The following AGTPBP1 variants were observed in gnomAD, a reference collection of about 807,000 sequenced individuals.
The protein encoded by AGTPBP1 is ATP/GTP binding carboxypeptidase 1, also known as cytosolic carboxypeptidase 1.
A neutral mutation model predicts 143.9 loss-of-function variants in AGTPBP1; 70 were observed. That is an observed-to-expected ratio of 0.49 (90% CI 0.40 to 0.59). The LOEUF (loss-of-function observed/expected upper bound fraction) is 0.59, where lower values mean the gene tolerates loss of function less well. AGTPBP1 is among the 20% of genes least tolerant of loss of function. AGTPBP1 has a pLI of 0.00. For missense variants in AGTPBP1, 1,229 were observed against 1,464.5 expected (o/e 0.84, Z 2.62); for synonymous variants, 463 against 500.2 (o/e 0.93, Z 0.99).
At chr9:85,700,974 G>A (rs1346856442) in intron 2 of AGTPBP1, among the ~76,000 whole-genome samples, 1 of 151,968 alleles carries the variant, frequency 6.6e-6, no homozygotes, top group Non-Finnish European at 1.5e-5. Flanking sequence ...CTGGAGTGCA[G>A]TGGCGCAATC....
At chr9:85,654,164 A>G (rs1833344462) in intron 11 of AGTPBP1, among the ~76,000 whole-genome samples, 2 of 152,044 alleles carry the variant, frequency 1.3e-5, no homozygotes, top group South Asian at 4.1e-4. Context: ...TAAATAAAGA[A>G]TCTTCGTTTT....
chr9:85,573,483 G>C (rs1827663956), intron 25 of AGTPBP1, among the ~76,000 whole-genome samples: 1 of 152,242 alleles, frequency 6.6e-6, no homozygotes, highest in Admixed American at 6.5e-5. Context: ...GCCTGCCTTG[G>C]TCTCCCAAAG....
chr9:85,675,788 G>C (rs1253422837), intron 6 of AGTPBP1, among the ~76,000 whole-genome samples: 1 of 152,180 alleles, frequency 6.6e-6, no homozygotes, highest in East Asian at 1.9e-4. Flanking sequence ...CACTTTGGGA[G>C]GCCAAGGTGG....
chr9:85,788,561 A>C, the AGTPBP1 span, among the ~76,000 whole-genome samples: 3 of 150,046 alleles, frequency 2.0e-5, no homozygotes, highest in Admixed American at 2.0e-4. Context: ...CTTTGTTAAT[A>C]AATACATATT....
At chr9:85,664,723 A>G (rs2134008710) in intron 8 of AGTPBP1, among the ~76,000 whole-genome samples, 1 of 152,294 alleles carries the variant, frequency 6.6e-6, no homozygotes, top group African/African-American at 2.4e-5. Flanking sequence ...TGATTAAGAA[A>G]GCTGAGACAA....
rs562094960 is a variant in AGTPBP1 at position 85,555,090 on chromosome 9, G to A, written c.3504-7804C>T. ...TAAATTAAACCTGCTGAGGAAAAAC[G>A]AATGTGGCAGATGCAACATTTGAAG... On this transcript the variant is annotated intron_variant, in intron 25 of 25. Coordinates refer to ENST00000357081, the MANE Select transcript of AGTPBP1 (RefSeq NM_001330701.2). Among the ~76,000 whole-genome samples, 12 of 152,242 alleles carry A rather than the reference G, an allele frequency of 7.9e-5. No individual in the cohort carries two copies. In the South Asian group the frequency reaches 8.3e-4, roughly 11 times the overall value.
At chr9:85,583,124 G>C (rs567526560) in intron 23 of AGTPBP1, among the ~76,000 whole-genome samples, 6 of 152,150 alleles carry the variant, frequency 3.9e-5, no homozygotes, top group Admixed American at 6.5e-5. Flanking sequence ...GACATGCTAG[G>C]GGTGTGGAGA....
intron 1 of AGTPBP1, among the ~76,000 whole-genome samples, chr9:85,728,030 T>TACACACACAC (rs57676033): frequency 7.8e-6 from 1 of 128,328 alleles, no homozygotes; most frequent in African/African-American, 2.9e-5. Context: ...TATATTTATA[T>TACACACACAC]ACACACACAC....
intron 19 of AGTPBP1, among the ~76,000 whole-genome samples, chr9:85,590,098 A>C (rs1314139107): frequency 1.3e-5 from 2 of 152,190 alleles, no homozygotes; most frequent in East Asian, 1.9e-4. Flanking sequence ...GCAACAATCT[A>C]AAATTTGAAA....
At chr9:85,564,078 G>A (rs1193222746) in intron 25 of AGTPBP1, among the ~76,000 whole-genome samples, 1 of 152,222 alleles carries the variant, frequency 6.6e-6, no homozygotes, top group Non-Finnish European at 1.5e-5. Context: ...CAAGGGCAAG[G>A]CCACCACAAA....
chr9:85,794,196 T>G, the AGTPBP1 span, among the ~76,000 whole-genome samples: 4 of 152,188 alleles, frequency 2.6e-5, no homozygotes. Flanking sequence ...TTCTAATGTA[T>G]GCATGCCCAA....
At chr9:85,549,243 T>C (rs1242545542) in intron 25 of AGTPBP1, among the ~76,000 whole-genome samples, 2 of 152,188 alleles carry the variant, frequency 1.3e-5, no homozygotes, top group South Asian at 2.1e-4. Flanking sequence ...TAAAAAGTTA[T>C]GCACTGTGCC....
chr9:85,701,101 G>C (rs1243494807), intron 2 of AGTPBP1, among the ~76,000 whole-genome samples: 1 of 151,420 alleles, frequency 6.6e-6, no homozygotes, highest in Non-Finnish European at 1.5e-5. Flanking sequence ...TATTAGAGAT[G>C]GTGTTTCACC....
intron 25 of AGTPBP1, among the ~76,000 whole-genome samples, chr9:85,572,040 T>C (rs1452672932): frequency 9.7e-6 from 1 of 102,980 alleles, no homozygotes; most frequent in Non-Finnish European, 1.9e-5. Flanking sequence ...TTTTTTTTTT[T>C]TTTTGAGGCA....
the AGTPBP1 span, among the ~76,000 whole-genome samples, chr9:85,752,662 A>C: frequency 6.6e-6 from 1 of 152,214 alleles, no homozygotes; most frequent in Non-Finnish European, 1.5e-5. Context: ...CATTATATGT[A>C]TTGAAATAAT....
chr9:85,616,244 A>G (rs1300981756), intron 17 of AGTPBP1, among the ~76,000 whole-genome samples: 2 of 151,982 alleles, frequency 1.3e-5, no homozygotes, highest in Non-Finnish European at 2.9e-5. Flanking sequence ...TGTGATATAC[A>G]TACAAGAATA....
intron 11 of AGTPBP1, among the ~76,000 whole-genome samples, chr9:85,653,831 T>C (rs1833320578): frequency 6.6e-6 from 1 of 152,220 alleles, no homozygotes; most frequent in Non-Finnish European, 1.5e-5. Flanking sequence ...TCAGATTTGG[T>C]ACAGATTTTC....
chr9:85,685,285 A>T (rs771295449), intron 3 of AGTPBP1, among the ~76,000 whole-genome samples: 1 of 152,064 alleles, frequency 6.6e-6, no homozygotes, highest in Non-Finnish European at 1.5e-5. Context: ...TCCAAGCAGG[A>T]TAACTATGAA....
chr9:85,585,407 T>C (rs1047725013), intron 23 of AGTPBP1, 56 bp downstream of exon 23: 4 of 1,464,294 alleles, frequency 2.7e-6, no homozygotes, highest in Middle Eastern at 1.8e-4. Flanking sequence ...TGTTCTTTTC[T>C]GTACTTTTAT....
Sources: allele counts gnomAD v4.1 joint callset (sites outside exome capture counted in the v4.1 genomes callset), GRCh38; gene constraint gnomAD v4.1.1; transcripts MANE v1.5; gene names NCBI Gene and HGNC (gene_info 2026-07-23, HGNC 2026-07-21).